Variants in ANO3 observed in about 807,000 individuals in gnomAD.
ANO3 encodes anoctamin-3.
ANO3 carries 99 observed loss-of-function variants against 144.8 expected under a neutral mutation model. The ratio of observed to expected loss-of-function variants is 0.68; its 90% confidence interval spans 0.58 to 0.81. The LOEUF (loss-of-function observed/expected upper bound fraction) is 0.81. Ranked by LOEUF, ANO3 falls within the 30% of genes least tolerant of loss-of-function variation. The pLI, the probability that ANO3 is intolerant of heterozygous loss-of-function variation, is 0.00. For synonymous variants in ANO3, 414 were observed against 392.6 expected, an observed-to-expected ratio of 1.05 and a Z score of -0.64; for missense variants, 905 against 1,202.2, an observed-to-expected ratio of 0.75 and a Z score of 3.66.
chr11:26,648,721 G>A (rs1308268701), intron 24 of ANO3, among the ~76,000 whole-genome samples: 2 of 152,196 alleles, frequency 1.3e-5, no homozygotes, highest in African/African-American at 2.4e-5. Context: ...GAACGGAGAG[G>A]AGTTGGAGGC....
At chr11:26,327,417 A>G (rs1854912988), upstream of ANO3, among the ~76,000 whole-genome samples, 1 of 152,226 alleles carries the variant, frequency 6.6e-6, no homozygotes, top group Admixed American at 6.5e-5. Flanking sequence ...CTTTGTACTC[A>G]GTAGATGTAG....
At chr11:26,215,539 C>G (rs1433011450) in intron 1 of ANO3, among the ~76,000 whole-genome samples, 1 of 151,858 alleles carries the variant, frequency 6.6e-6, no homozygotes, top group Non-Finnish European at 1.5e-5. Context: ...CTTCCCCGAT[C>G]CACAATGAAC....
chr11:26,356,859 A>T (rs905520083), intron 1 of ANO3, among the ~76,000 whole-genome samples: 2 of 151,898 alleles, frequency 1.3e-5, no homozygotes, highest in African/African-American at 2.4e-5. Flanking sequence ...AAGGTGTATC[A>T]CTCCAATTCC....
At chr11:26,430,064 T>C (rs7124034) in intron 1 of ANO3, among the ~76,000 whole-genome samples, 145,202 of 152,030 alleles carry the variant, frequency 0.96, 69,526 homozygotes, top group East Asian at 1. Flanking sequence ...GCCAACATGG[T>C]GAAACCCAGT....
At chr11:26,447,775 C>A (rs1419827040) in intron 3 of ANO3, among the ~76,000 whole-genome samples, 1 of 152,134 alleles carries the variant, frequency 6.6e-6, no homozygotes, top group Non-Finnish European at 1.5e-5. Context: ...TATATCCCCA[C>A]ACACTCACAG....
chr11:26,536,174 C>T (rs1023965605), intron 9 of ANO3, among the ~76,000 whole-genome samples: 1 of 151,646 alleles, frequency 6.6e-6, no homozygotes, highest in African/African-American at 2.4e-5. Context: ...CAAAAATTAG[C>T]CAGGCACAAT....
At chr11:26,193,479 G>A (rs1851519428) in intron 1 of ANO3, among the ~76,000 whole-genome samples, 1 of 152,066 alleles carries the variant, frequency 6.6e-6, no homozygotes, top group Non-Finnish European at 1.5e-5. Context: ...AACTATCTGT[G>A]TTGTCCATGT....
chr11:26,490,335 C>T (rs1268883541), intron 4 of ANO3, among the ~76,000 whole-genome samples: 1 of 152,094 alleles, frequency 6.6e-6, no homozygotes, highest in Non-Finnish European at 1.5e-5. Flanking sequence ...TCTTTTTGTT[C>T]CCAGTTTTGG....
At chr11:26,646,769 T>A (rs1853358475) in intron 23 of ANO3, among the ~76,000 whole-genome samples, 1 of 152,144 alleles carries the variant, frequency 6.6e-6, no homozygotes, top group South Asian at 2.1e-4. Flanking sequence ...CCTTTGTCGG[T>A]TTTTGTAAAC....
intron 1 of ANO3, among the ~76,000 whole-genome samples, chr11:26,411,146 TTA>T (rs1409253487): frequency 6.6e-6 from 1 of 152,042 alleles, no homozygotes; most frequent in African/African-American, 2.4e-5. Flanking sequence ...AAATCTTTCA[TTA>T]TTTTATCTAG....
At chr11:26,564,748 T>C (rs1329850879) in intron 14 of ANO3, among the ~76,000 whole-genome samples, 20 of 60,934 alleles carry the variant, frequency 3.3e-4, no homozygotes, top group Admixed American at 1.8e-4. Flanking sequence ...TATATATATA[T>C]ATATATATAT....
chr11:26,437,814 G>A (rs866905908), intron 1 of ANO3, among the ~76,000 whole-genome samples: 25 of 151,508 alleles, frequency 1.7e-4, no homozygotes, highest in Admixed American at 2.6e-4. Flanking sequence ...ATACACACAC[G>A]TAACTCATGT....
intron 4 of ANO3, among the ~76,000 whole-genome samples, chr11:26,487,023 AGCGTTTGGTGAC>A (rs1277621665): frequency 1.3e-5 from 2 of 152,242 alleles, no homozygotes; most frequent in Non-Finnish European, 2.9e-5. Flanking sequence ...ATTTGCAAGG[AGCGTTTGGTGAC>A]TTACAATTGA....
intron 1 of ANO3, among the ~76,000 whole-genome samples, chr11:26,408,043 C>T (rs1455310478): frequency 6.6e-6 from 1 of 151,982 alleles, no homozygotes; most frequent in Non-Finnish European, 1.5e-5. Flanking sequence ...CTAGGCAGTA[C>T]CATTCAGGAC....
At chr11:26,282,474 C>G (rs1017182629) in intron 1 of ANO3, among the ~76,000 whole-genome samples, 1 of 151,972 alleles carries the variant, frequency 6.6e-6, no homozygotes. Flanking sequence ...TGCTGTTTTT[C>G]CAATATTTTC....
chr11:26,249,249 T>A (rs1038316288), intron 1 of ANO3, among the ~76,000 whole-genome samples: 1 of 152,184 alleles, frequency 6.6e-6, no homozygotes, highest in East Asian at 1.9e-4. Flanking sequence ...AGTAACAGTG[T>A]ATACCAGCAG....
intron 1 of ANO3, among the ~76,000 whole-genome samples, chr11:26,263,200 ATCTTT>A (rs1413386440): frequency 1.3e-5 from 2 of 152,214 alleles, no homozygotes; most frequent in African/African-American, 4.8e-5. Flanking sequence ...ATGAATCAAG[ATCTTT>A]TCTTAATTCT....
At chr11:26,512,906 T>C (rs1861722162) in intron 5 of ANO3, among the ~76,000 whole-genome samples, 1 of 152,190 alleles carries the variant, frequency 6.6e-6, no homozygotes, top group African/African-American at 2.4e-5. Flanking sequence ...TTACATAACA[T>C]GTGTTCTCAA....
chr11:26,486,250 A>G (rs1024300413), intron 4 of ANO3, among the ~76,000 whole-genome samples: 5 of 150,604 alleles, frequency 3.3e-5, no homozygotes, highest in African/African-American at 9.8e-5. Flanking sequence ...AGTTTCAGCT[A>G]CTCGGGAGGC....
Sources: allele counts gnomAD v4.1 joint callset (sites outside exome capture counted in the v4.1 genomes callset), GRCh38; gene constraint gnomAD v4.1.1; transcripts MANE v1.5; gene names NCBI Gene and HGNC (gene_info 2026-07-23, HGNC 2026-07-21).